SLC26A7: variants seen among roughly 807,000 people sequenced by gnomAD.
SLC26A7 encodes solute carrier family 26 member 7.
A neutral mutation model predicts 82.5 loss-of-function variants in SLC26A7; 59 were observed. The ratio of observed to expected loss-of-function variants is 0.72; its 90% CI spans 0.58 to 0.89. SLC26A7 has a LOEUF of 0.89. Ranked by LOEUF, SLC26A7 falls within the 40% of genes least tolerant of loss-of-function variation. SLC26A7 has a pLI of 0.00. For synonymous variants in SLC26A7, 271 were observed against 274.3 expected, an observed-to-expected ratio of 0.99 and a Z score of 0.12; for missense variants, 820 against 793.0, an observed-to-expected ratio of 1.03 and a Z score of -0.41.
chr8:91,386,135 G>T (rs1586479097), intron 15 of SLC26A7, among the ~76,000 whole-genome samples: 1 of 152,136 alleles, frequency 6.6e-6, no homozygotes, highest in Admixed American at 6.5e-5. Flanking sequence ...TTGAACTCAT[G>T]TCAGACAGTT....
chr8:91,340,930 A>G (rs1263413560), intron 8 of SLC26A7, among the ~76,000 whole-genome samples: 1 of 152,168 alleles, frequency 6.6e-6, no homozygotes, highest in Non-Finnish European at 1.5e-5. Flanking sequence ...TTAGAATACC[A>G]AGGGATGTAG....
chr8:91,331,259 A>C (rs1413383290), intron 5 of SLC26A7, among the ~76,000 whole-genome samples: 6 of 152,140 alleles, frequency 3.9e-5, no homozygotes, highest in Non-Finnish European at 5.9e-5. Context: ...AACCATATGC[A>C]TTTATCTGAA....
chr8:91,236,198 A>T lies in SLC26A7; in HGVS notation c.-33-13421A>T, dbSNP rs556837254. Reference sequence around the variant, plus strand: ...GCATAGATATTCTTAACTGCATGAAAAAGAAAATAGAAACCTCTAACCTAA... The same window carrying T: ...GCATAGATATTCTTAACTGCATGAATAAGAAAATAGAAACCTCTAACCTAA... On this transcript the variant is annotated intron_variant, in intron 2 of 5. Transcript: ENST00000522862. 2.8e-4 allele frequency among the ~76,000 whole-genome samples: 42 copies of T among 152,352 alleles called. No individual in the cohort carries two copies. The South Asian group carries it at 8.5e-3, about 31-fold the overall frequency.
chr8:91,290,629 G>A (rs1214807681), intron 3 of SLC26A7, among the ~76,000 whole-genome samples: 1 of 152,128 alleles, frequency 6.6e-6, no homozygotes, highest in Non-Finnish European at 1.5e-5. Context: ...GATAATCCAG[G>A]CTGCTCTTCT....
At chr8:91,305,751 C>T (rs1194123878) in intron 4 of SLC26A7, among the ~76,000 whole-genome samples, 1 of 151,864 alleles carries the variant, frequency 6.6e-6, no homozygotes, top group Non-Finnish European at 1.5e-5. Context: ...CTTAGATAGA[C>T]ATTTCCTGAA....
At chr8:91,284,568 C>T (rs1811660370) in intron 2 of SLC26A7, among the ~76,000 whole-genome samples, 1 of 152,110 alleles carries the variant, frequency 6.6e-6, no homozygotes, top group Non-Finnish European at 1.5e-5. Flanking sequence ...CTAAAAGTTA[C>T]AGATATTGAG....
chr8:91,320,415 C>G (rs1006369297), intron 5 of SLC26A7, among the ~76,000 whole-genome samples: 23 of 152,156 alleles, frequency 1.5e-4, no homozygotes, highest in Non-Finnish European at 2.9e-5. Flanking sequence ...AAAAGAGTTG[C>G]TCTTGCTTTT....
chr8:91,366,615 C>T lies in SLC26A7; in HGVS notation c.1524C>T (p.Asn508=). ...TLQQVKIISI[N]NPLVFLNAKK... is the part of the protein sequence containing the mutation. ...AGCAGGTGAAAATTATCTCAATAAA[C>T]AACCCGCTTGTTTTCCTGAATGCAA... is the stretch of plus-strand genomic sequence containing the variant. Residue 508 remains asparagine, a synonymous_variant, in exon 14 of 19, where the codon AAC becomes AAT. Coordinates refer to ENST00000276609, the MANE Select transcript of SLC26A7 (RefSeq NM_052832.4). 1.9e-6 allele frequency: 3 copies of T among 1,613,446 alleles called. No individual in the cohort carries two copies. The highest frequency in any genetic ancestry group is 2.5e-6 in the Non-Finnish European group (3 of 1,179,800).
intron 2 of SLC26A7, among the ~76,000 whole-genome samples, chr8:91,237,315 C>T (rs1280557282): frequency 6.6e-6 from 1 of 152,170 alleles, no homozygotes; most frequent in African/African-American, 2.4e-5. Flanking sequence ...CATAGCTACG[C>T]TATAATTTTT....
intron 3 of SLC26A7, among the ~76,000 whole-genome samples, chr8:91,294,467 CTGT>C (rs1453947946): frequency 2.0e-5 from 3 of 152,028 alleles, no homozygotes; most frequent in Non-Finnish European, 2.9e-5. Flanking sequence ...AGACCTGTTT[CTGT>C]TTGACTCATG....
At chr8:91,376,194 C>T (rs1312130020) in intron 15 of SLC26A7, among the ~76,000 whole-genome samples, 1 of 152,018 alleles carries the variant, frequency 6.6e-6, no homozygotes, top group African/African-American at 2.4e-5. Flanking sequence ...CTTTGGAATC[C>T]ACATTTTGAA....
At chr8:91,261,650 A>G (rs948741607) in intron 2 of SLC26A7, among the ~76,000 whole-genome samples, 45 of 152,110 alleles carry the variant, frequency 3.0e-4, no homozygotes, top group African/African-American at 1.1e-3. Flanking sequence ...TATATGATGT[A>G]GAATTTTAAG....
intron 4 of SLC26A7, among the ~76,000 whole-genome samples, chr8:91,300,750 A>G (rs1321667747): frequency 1.3e-5 from 2 of 152,196 alleles, no homozygotes; most frequent in Admixed American, 1.3e-4. Flanking sequence ...TCTCTAATCC[A>G]ATTGCTTTGG....
intron 2 of SLC26A7, among the ~76,000 whole-genome samples, chr8:91,267,798 T>A (rs1353386636): frequency 2.6e-5 from 4 of 151,654 alleles, no homozygotes. Flanking sequence ...TACTAATTAG[T>A]GGGTTAGCTG....
chr8:91,376,032 T>A (rs957892443), intron 15 of SLC26A7, among the ~76,000 whole-genome samples: 3 of 152,186 alleles, frequency 2.0e-5, no homozygotes, highest in Non-Finnish European at 4.4e-5. Flanking sequence ...TTATTAAAGC[T>A]TTCAAATGTG....
At chr8:91,337,777 T>A (rs1222657913) in intron 6 of SLC26A7, among the ~76,000 whole-genome samples, 1 of 152,200 alleles carries the variant, frequency 6.6e-6, no homozygotes, top group Non-Finnish European at 1.5e-5. Flanking sequence ...ATGTGCTGTC[T>A]TACGAAGCAT....
At chr8:91,338,649 C>T (rs1460777044) in intron 7 of SLC26A7, among the ~76,000 whole-genome samples, 1 of 151,992 alleles carries the variant, frequency 6.6e-6, no homozygotes, top group East Asian at 1.9e-4. Flanking sequence ...AACCCTAGGC[C>T]TGGGTAGTAT....
chr8:91,260,825 CA>C (rs1284016766), intron 2 of SLC26A7, among the ~76,000 whole-genome samples: 1 of 152,068 alleles, frequency 6.6e-6, no homozygotes, highest in Non-Finnish European at 1.5e-5. Flanking sequence ...TGATTGGCCT[CA>C]ACCTCTCTAA....
intron 2 of SLC26A7, among the ~76,000 whole-genome samples, chr8:91,273,959 C>T (rs935269507): frequency 6.6e-6 from 1 of 152,106 alleles, no homozygotes; most frequent in Non-Finnish European, 1.5e-5. Flanking sequence ...TTTGGAGACA[C>T]CATAAGAGCT....
Sources: allele counts gnomAD v4.1 joint callset (sites outside exome capture counted in the v4.1 genomes callset), GRCh38; gene constraint gnomAD v4.1.1; transcripts MANE v1.5; gene names NCBI Gene and HGNC (gene_info 2026-07-23, HGNC 2026-07-21).